BLOC1S2: variants seen among roughly 807,000 people sequenced by gnomAD.
BLOC1S2 encodes biogenesis of lysosomal organelles complex 1 subunit 2.
A neutral mutation model predicts 19.6 loss-of-function variants in BLOC1S2; 12 were observed. The observed-to-expected ratio is 0.61, with a 90% CI of 0.39 to 0.99. The LOEUF is 0.99. Ranked by LOEUF, BLOC1S2 falls within the 50% of genes least tolerant of loss-of-function variation. The pLI is 0.00. For synonymous variants in BLOC1S2, 66 were observed against 64.1 expected (o/e 1.03, Z -0.14); for missense variants, 142 against 171.0 (o/e 0.83, Z 0.95).
chr10:100,277,752 A>G, intron 4 of BLOC1S2, among the ~76,000 whole-genome samples: 1 of 106,274 alleles, frequency 9.4e-6, no homozygotes, highest in Non-Finnish European at 1.9e-5. Context: ...CCGGGAGGTG[A>G]GGGGCGCCTC....
At chr10:100,286,311 T>C (rs1848237326) in intron 1 of BLOC1S2, 98 bp from the exon 2 acceptor site, 2 of 1,508,224 alleles carry the variant, frequency 1.3e-6, no homozygotes, top group East Asian at 4.7e-5. Context: ...CTTCATTCCA[T>C]CAAGTCGGCT....
At chr10:100,285,776 T>TCGCTAGTTGTATCATCTCCCCC (rs1848219029) in intron 2 of BLOC1S2, among the ~76,000 whole-genome samples, 1 of 152,158 alleles carries the variant, frequency 6.6e-6, no homozygotes, top group Admixed American at 6.6e-5. Context: ...ACCACCTCAT[T>TCGCTAGTTGTATCATCTCCCCC]CGCTAGTTGT....
chr10:100,286,630 C>T lies in BLOC1S2; in HGVS notation c.30G>A (p.Ala10=), dbSNP rs768876318. 1.9e-6 allele frequency: 3 copies of T among 1,611,884 alleles called. No individual in the cohort carries two copies. The highest frequency in any genetic ancestry group is 2.2e-5 in the South Asian group (2 of 90,976). ...CTCGGGCGGGCTCATCACTCCGGGT[C>T]GCCAGTACGCCCTCGGCTGCCGCCG... is the stretch of plus-strand genomic sequence containing the variant. MAAAAEGVL[A]TRSDEPARDD... The change falls in exon 1 of 5, where the codon GCG becomes GCA. Residue 10 remains alanine (A), a synonymous_variant. Coordinates refer to ENST00000370372, the MANE Select transcript of BLOC1S2 (RefSeq NM_173809.5).
At chr10:100,278,239 C>T (rs1847994599) in intron 4 of BLOC1S2, among the ~76,000 whole-genome samples, 3 of 151,512 alleles carry the variant, frequency 2.0e-5, no homozygotes, top group African/African-American at 7.3e-5. Context: ...TGGCCAGCCA[C>T]CCGGTCCAGG....
rs1042693433 is a variant in BLOC1S2 at position 100,273,419 on chromosome 10, T to G, written c.*2043A>C. On this transcript the variant is annotated 3_prime_UTR_variant, in exon 5 of 5. Transcript: ENST00000370372. Reference sequence around the variant, plus strand: ...CTCATCCATTAAATTCTGTATTATCTTTGCAACTTTCCCGTAAATCTAAAT... The same window carrying G: ...CTCATCCATTAAATTCTGTATTATCGTTGCAACTTTCCCGTAAATCTAAAT... 2.0e-5 allele frequency: 3 copies of G among 152,230 alleles called. No individual in the cohort carries two copies. Among genetic ancestry groups the G allele is most frequent in the Non-Finnish European group, 4.4e-5 (3 of 68,036 alleles). 9.4% of individuals were successfully genotyped at this position (152,230 alleles called of 1,614,324 possible). A position where few individuals can be genotyped will look rare whatever the true frequency, so the allele number is the denominator to read the frequency against.
chr10:100,280,308 G>A (rs982901506), intron 3 of BLOC1S2, 80 bp from the exon 4 acceptor site: 1 of 1,264,010 alleles, frequency 7.9e-7, no homozygotes, highest in African/African-American at 1.5e-5. Flanking sequence ...AAGTAATAAT[G>A]CTAGTGTCTC....
In BLOC1S2 at chr10:100,281,691, A is replaced by ATATAT. The variant is rs1443318952; in HGVS notation, c.173-639_173-638insATATA. 5.9e-4 allele frequency among the ~76,000 whole-genome samples: 49 copies of ATATAT among 83,046 alleles called. 1 individual carries two copies. Among genetic ancestry groups the ATATAT allele is most frequent in the South Asian group, 1.9e-3 (7 of 3,632 alleles). The allele number at this position is 83,046 out of a possible 152,430, so 54.5% of individuals were successfully genotyped here. On this transcript the variant is annotated intron_variant, in intron 2 of 4. Coordinates refer to ENST00000370372, the MANE Select transcript of BLOC1S2 (RefSeq NM_173809.5). ...GAGTGAGACTCCATCTCAAAAAAAA[A>ATATAT]AAATATATATATATACACATACACA... is the stretch of plus-strand genomic sequence containing the variant.
At chr10:100,286,299 G>C (rs1215712961) in intron 1 of BLOC1S2, 86 bp from the exon 2 acceptor site, 1 of 1,528,446 alleles carries the variant, frequency 6.5e-7, no homozygotes, top group East Asian at 2.3e-5. Flanking sequence ...CCCTCCACTT[G>C]CCTTCATTCC....
rs1380427883 is a variant in BLOC1S2, at chr10:100,274,005, C to G, written c.*1457G>C. 1 of 151,926 alleles carries G rather than the reference C, an allele frequency of 6.6e-6. No homozygotes were observed. The allele number at this position is 151,926 out of a possible 1,614,324, so 9.4% of individuals were successfully genotyped here. On this transcript the variant is annotated 3_prime_UTR_variant, in exon 5 of 5. Coordinates refer to ENST00000370372, the MANE Select transcript of BLOC1S2 (RefSeq NM_173809.5). ...TTATGTTAGGCACGGTGGTTCATGC[C>G]TACAATCTCAGCACTCTGGCAGGCT...
intron 2 of BLOC1S2, 31 bp from the exon 3 acceptor site, chr10:100,281,084 T>C: frequency 6.2e-7 from 1 of 1,608,910 alleles, no homozygotes; most frequent in Non-Finnish European, 8.5e-7. Flanking sequence ...TGTAATGTCT[T>C]TAAGATTTGT....
intron 2 of BLOC1S2, among the ~76,000 whole-genome samples, chr10:100,283,963 T>C (rs369687578): frequency 1.3e-5 from 2 of 152,360 alleles, no homozygotes. Flanking sequence ...GCCAAGTGCT[T>C]GCACATTAAA....
chr10:100,277,925 G>C (rs1589648129), intron 4 of BLOC1S2, among the ~76,000 whole-genome samples: 9 of 100,964 alleles, frequency 8.9e-5, no homozygotes, highest in East Asian at 3.0e-4. Flanking sequence ...CGTCCGGGAG[G>C]TGAGGGGCGC....
At chr10:100,286,427 G>A (rs1306605568) in intron 1 of BLOC1S2, 178 bp downstream of exon 1, 49 of 1,462,538 alleles carry the variant, frequency 3.4e-5, no homozygotes, top group Non-Finnish European at 4.2e-5. Context: ...CGGCACCCCC[G>A]CTCATCCTGG....
chr10:100,286,020 T>C, intron 2 of BLOC1S2, 77 bp downstream of exon 2: 1 of 1,566,536 alleles, frequency 6.4e-7, no homozygotes, highest in Non-Finnish European at 8.7e-7. Context: ...GGAAGGGAGC[T>C]GCAGACTGAT....
intron 2 of BLOC1S2, among the ~76,000 whole-genome samples, 170 bp from the exon 3 acceptor site, chr10:100,281,223 G>T (rs565635814): frequency 8.5e-5 from 13 of 152,076 alleles, no homozygotes; most frequent in Non-Finnish European, 1.8e-4. Flanking sequence ...TGAAAGTCTA[G>T]GTAGAAATTC....
In BLOC1S2 at chr10:100,274,211, A is replaced by G. The variant is rs553971403; in HGVS notation, c.*1251T>C. 6.6e-6 allele frequency: 1 copy of G among 152,340 alleles called. No homozygotes were observed. Among genetic ancestry groups the G allele is most frequent in the South Asian group, 2.1e-4 (1 of 4,824 alleles). 9.4% of individuals were successfully genotyped at this position (152,340 alleles called of 1,614,324 possible). ...GGTCAAGGTGAGCTATTATCACACC[A>G]CCACACTCCAGCCTGGGTGACAATA... On this transcript the variant is annotated 3_prime_UTR_variant, in exon 5 of 5. Transcript: ENST00000370372.
intron 4 of BLOC1S2, among the ~76,000 whole-genome samples, chr10:100,277,590 T>C (rs1330321539): frequency 2.1e-5 from 2 of 93,770 alleles, no homozygotes; most frequent in Admixed American, 1.0e-4. Context: ...AGCCGCTCCG[T>C]CCGGGAGGGA....
chr10:100,274,053 C>A lies in BLOC1S2; in HGVS notation c.*1409G>T, dbSNP rs146590735. 873 of 151,828 alleles carry A rather than the reference C, an allele frequency of 5.7e-3. 7 individuals are homozygous for A. Among genetic ancestry groups the A allele is most frequent in the African/African-American group, 0.018 (757 of 41,392 alleles). 9.4% of individuals were successfully genotyped at this position (151,828 alleles called of 1,614,324 possible). A position where few individuals can be genotyped will look rare whatever the true frequency, so the allele number is the denominator to read the frequency against. ...GCTGTGGTAAGAGAATCACTTGAGG[C>A]CAGTTCAAGACCAGCCTGGACAACA... On this transcript the variant is annotated 3_prime_UTR_variant, in exon 5 of 5. Transcript: ENST00000370372.
rs1848241623 is a variant in BLOC1S2 at position 100,286,401 on chromosome 10, G to A, written c.56-188C>T. 5 of 1,456,266 alleles carry A rather than the reference G, an allele frequency of 3.4e-6. No homozygotes were observed. The Admixed American group carries it at 7.7e-5, about 22-fold the overall frequency. The allele number at this position is 1,456,266 out of a possible 1,614,324, so 90.2% of individuals were successfully genotyped here. ...CACATCAACTCGCCTCCCTCGCACC[G>A]CCCCTCGCCCATACCCGGCACCCCC... On this transcript the variant is annotated intron_variant, in intron 1 of 4. Coordinates refer to ENST00000370372, the MANE Select transcript of BLOC1S2 (RefSeq NM_173809.5).
Sources: gnomAD v4.1 joint callset for allele counts (sites outside exome capture counted in the v4.1 genomes callset) on GRCh38, gnomAD v4.1.1 for gene constraint, MANE v1.5 for transcripts, NCBI Gene and HGNC (gene_info 2026-07-23, HGNC 2026-07-21) for gene names.